MFN2: variants seen among roughly 807,000 people sequenced by gnomAD.
MFN2 encodes mitofusin 2.
In MFN2, 43 loss-of-function variants were observed where a neutral mutation model predicts 87.5. That is an observed-to-expected ratio of 0.49 (90% CI 0.38 to 0.63). The LOEUF (loss-of-function observed/expected upper bound fraction) is 0.63. Ranked by LOEUF, MFN2 falls within the 30% of genes least tolerant of loss-of-function variation. The pLI, the probability that MFN2 is intolerant of heterozygous loss-of-function variation, is 0.00. For missense variants in MFN2, 743 were observed against 972.8 expected (o/e 0.76, Z 3.14); for synonymous variants, 337 against 359.9 (o/e 0.94, Z 0.72).
intron 7 of MFN2, 23 bp downstream of exon 7, chr1:11,998,901 C>G: frequency 6.2e-7 from 1 of 1,613,446 alleles, no homozygotes; most frequent in Middle Eastern, 1.6e-4. Context: ...CTGCCTTCTC[C>G]CAAGCTCCCA....
At chr1:11,994,084 G>A (rs948897649) in intron 4 of MFN2, among the ~76,000 whole-genome samples, 7 of 152,246 alleles carry the variant, frequency 4.6e-5, no homozygotes, top group Non-Finnish European at 1.5e-5. Flanking sequence ...TGATAACCAT[G>A]GGGTATCTGT....
chr1:11,986,489 C>T (rs1258428105), intron 2 of MFN2, among the ~76,000 whole-genome samples: 5 of 152,018 alleles, frequency 3.3e-5, no homozygotes, highest in Non-Finnish European at 5.9e-5. Context: ...TAGCTTTCGC[C>T]GTGGTGGGAA....
chr1:11,998,732 C>T (rs765977502), intron 6 of MFN2, 38 bp from the exon 7 acceptor site: 4 of 1,584,558 alleles, frequency 2.5e-6, no homozygotes, highest in Admixed American at 1.7e-5. Flanking sequence ...AGGGCTCCTG[C>T]TCTGCCTGAT....
In MFN2 at chr1:11,989,355, C is replaced by A. The variant is rs186824858; in HGVS notation, c.175+12C>A. The A allele has an allele frequency of 3.1e-6, 5 of 1,613,314 alleles. No homozygotes were observed. Among genetic ancestry groups the A allele is most frequent in the Non-Finnish European group, 4.2e-6 (5 of 1,179,824 alleles). On this transcript the variant is annotated intron_variant, in intron 3 of 18. Coordinates refer to ENST00000235329, the MANE Select transcript of MFN2 (RefSeq NM_014874.4). Reference sequence around the variant, plus strand: ...CACCTTCCTTGAAGGTAAGGGGGCACCGGCTCAGCCAGGCCCGCTCTTACC... The same window carrying A: ...CACCTTCCTTGAAGGTAAGGGGGCAACGGCTCAGCCAGGCCCGCTCTTACC...
intron 15 of MFN2, 129 bp from the exon 16 acceptor site, chr1:12,006,409 C>T (rs774099169): frequency 8.1e-7 from 1 of 1,236,260 alleles, no homozygotes; most frequent in Non-Finnish European, 1.1e-6. Flanking sequence ...CTAGTTGTCC[C>T]CTTTTTGCCT....
At chr1:11,987,286 G>A (rs1460521803) in intron 2 of MFN2, among the ~76,000 whole-genome samples, 1 of 149,488 alleles carries the variant, frequency 6.7e-6, no homozygotes, top group African/African-American at 2.5e-5. Flanking sequence ...CACCCAGCCT[G>A]GGTGACAAAA....
chr1:11,982,354 T>G (rs1046270339), intron 2 of MFN2, among the ~76,000 whole-genome samples: 6 of 152,236 alleles, frequency 3.9e-5, no homozygotes, highest in African/African-American at 1.4e-4. Context: ...TTGGGCTCCC[T>G]GAAGAGTTAG....
Position 12,004,195 on chromosome 1 carries a change from T to G in MFN2, c.1287+77T>G. The G allele has an allele frequency of 1.3e-6, 2 of 1,578,260 alleles. No homozygotes were observed. Among genetic ancestry groups the G allele is most frequent in the South Asian group, 1.1e-5 (1 of 88,986 alleles). ...CCAGAAGAAAGCAGACCTCCTCCTC[T>G]TAGGGACTTCTCAGCCTTTCAGAAG... On this transcript the variant is annotated intron_variant, in intron 12 of 18. Coordinates refer to ENST00000235329, the MANE Select transcript of MFN2 (RefSeq NM_014874.4). The surrounding 1 kb of genome is among the most constrained non-coding windows in gnomAD (Gnocchi z 4.2).
rs563653507 is a variant in MFN2, at chr1:12,005,594, A to G, written c.1496-117A>G. 2.0e-4 allele frequency: 219 copies of G among 1,104,004 alleles called. 2 individuals carry two copies. Among genetic ancestry groups the G allele is most frequent in the South Asian group, 1.3e-3 (107 of 80,268 alleles). 68.4% of individuals were successfully genotyped at this position (1,104,004 alleles called of 1,614,324 possible). The stretch of plus-strand genomic sequence containing the variant: ...CCAACTTGACTGGGGTGTGGTTCCC[A>G]GGCAAAGCTGTTCAGCATCCCTGGC... On this transcript the variant is annotated intron_variant, in intron 14 of 18. Coordinates refer to ENST00000235329, the MANE Select transcript of MFN2 (RefSeq NM_014874.4).
At position 12,003,830 on chromosome 1, in the gene MFN2, C is replaced by G. The variant is rs1267372466; in HGVS notation, c.1161-162C>G. Among the ~76,000 whole-genome samples, 2 of 152,226 alleles carry G rather than the reference C, an allele frequency of 1.3e-5. No homozygotes were observed. The highest frequency in any genetic ancestry group is 2.9e-5 in the Non-Finnish European group (2 of 68,050). On this transcript the variant is annotated intron_variant, in intron 11 of 18. Coordinates refer to ENST00000235329, the MANE Select transcript of MFN2 (RefSeq NM_014874.4). The surrounding 1 kb of genome is among the most constrained non-coding windows in gnomAD (Gnocchi z 4.1). ...AGAGTGCATGGTTGGCTGCAGGGTC[C>G]TCTTCTTACCTGGGAAGGGGAAGGC...
chr1:11,997,695 C>T (rs1557523240), intron 6 of MFN2, among the ~76,000 whole-genome samples: 2 of 152,034 alleles, frequency 1.3e-5, no homozygotes, highest in African/African-American at 4.8e-5. Flanking sequence ...TCAATCTCAG[C>T]CCAGTGCCAG....
At chr1:11,985,603 A>G (rs1379689492) in intron 2 of MFN2, among the ~76,000 whole-genome samples, 1 of 151,906 alleles carries the variant, frequency 6.6e-6, no homozygotes, top group Non-Finnish European at 1.5e-5. Context: ...AGTAGCTGGG[A>G]CTACAGGCAT....
At chr1:11,988,285 A>G (rs1260362478) in intron 2 of MFN2, among the ~76,000 whole-genome samples, 1 of 151,736 alleles carries the variant, frequency 6.6e-6, no homozygotes, top group Non-Finnish European at 1.5e-5. Flanking sequence ...TTGTATTTTT[A>G]GTAGAGACGG....
rs138454088 is a variant in MFN2 at position 11,989,240 on chromosome 1, G to T, written c.72G>T (p.Val24=). 6.9e-5 allele frequency: 112 copies of T among 1,614,106 alleles called. No individual in the cohort carries two copies. In the African/African-American group the frequency reaches 1.3e-3, roughly 19 times the overall value. ...AAAATAAGAGACACATGGCTGAGGT[G>T]AATGCATCCCCACTTAAGCACTTTG... is the stretch of plus-strand genomic sequence containing the variant. ...VKKNKRHMAE[V]NASPLKHFVT... is the part of the protein sequence containing the mutation. The change falls in exon 3 of 19, where the codon GTG becomes GTT. Residue 24 remains valine, a synonymous_variant. Transcript: ENST00000235329.
intron 3 of MFN2, among the ~76,000 whole-genome samples, chr1:11,989,668 A>G (rs1638589105): frequency 6.6e-6 from 1 of 152,240 alleles, no homozygotes; most frequent in Admixed American, 6.5e-5. Context: ...GTAATAGATC[A>G]GGGTTTTACC....
rs940036052 is a variant in MFN2, at chr1:12,003,925, C to T, written c.1161-67C>T. 5 of 1,605,266 alleles carry T rather than the reference C, an allele frequency of 3.1e-6. No individual in the cohort carries two copies. The highest frequency in any genetic ancestry group is 2.2e-5 in the East Asian group (1 of 44,768). On this transcript the variant is annotated intron_variant, in intron 11 of 18. Transcript: ENST00000235329. The surrounding 1 kb of genome is among the most constrained non-coding windows in gnomAD (Gnocchi z 4.1). Reference sequence around the variant, plus strand: ...GGGCAGGGCGGCGTGGGATTTCTGGCATCCCCTCTTGCTCCTCTGCTTAGT... The same window carrying T: ...GGGCAGGGCGGCGTGGGATTTCTGGTATCCCCTCTTGCTCCTCTGCTTAGT...
intron 17 of MFN2, among the ~76,000 whole-genome samples, chr1:12,008,929 A>G (rs1162506146): frequency 6.6e-6 from 1 of 152,226 alleles, no homozygotes; most frequent in East Asian, 1.9e-4. Flanking sequence ...TGAGTGAACG[A>G]GACTCCATCT....
intron 2 of MFN2, 91 bp from the exon 3 acceptor site, chr1:11,989,074 C>A (rs947959861): frequency 1.4e-6 from 2 of 1,418,286 alleles, no homozygotes; most frequent in Non-Finnish European, 2.0e-6. Context: ...TCCCCATATT[C>A]TTGATTCTCC....
intron 6 of MFN2, among the ~76,000 whole-genome samples, chr1:11,998,202 A>G (rs1013580464): frequency 2.0e-5 from 3 of 151,962 alleles, no homozygotes; most frequent in African/African-American, 7.2e-5. Context: ...TCTTTAAAGT[A>G]GAATTACAAG....
Sources: allele counts gnomAD v4.1 joint callset (sites outside exome capture counted in the v4.1 genomes callset), GRCh38; gene constraint gnomAD v4.1.1; non-coding constraint Gnocchi (gnomAD v3.1); transcripts MANE v1.5; gene names NCBI Gene and HGNC (gene_info 2026-07-23, HGNC 2026-07-21).